VWA8: variants seen among roughly 807,000 people sequenced by gnomAD.
The protein encoded by VWA8 is von Willebrand factor A domain-containing protein 8.
VWA8 carries 221 observed loss-of-function variants against 241.5 expected under a neutral mutation model. The observed-to-expected ratio is 0.91, with a 90% CI of 0.82 to 1.02. The LOEUF (loss-of-function observed/expected upper bound fraction) is 1.02, where lower values mean the gene tolerates loss of function less well. Among genes scored for constraint, VWA8 ranks in the 50% least tolerant of loss-of-function variants. VWA8 has a pLI of 0.00. For missense variants in VWA8, 2,322 were observed against 2,328.7 expected (o/e 1.00, Z 0.06); for synonymous variants, 852 against 827.1 (o/e 1.03, Z -0.52).
At chr13:41,784,713 T>TACAC (rs1869078412) in intron 18 of VWA8, among the ~76,000 whole-genome samples, 2 of 70,702 alleles carry the variant, frequency 2.8e-5, no homozygotes, top group African/African-American at 4.3e-5. Flanking sequence ...TATATATATA[T>TACAC]ATATATATAT....
intron 35 of VWA8, among the ~76,000 whole-genome samples, chr13:41,682,174 A>G (rs1019242265): frequency 6.6e-6 from 1 of 152,236 alleles, no homozygotes; most frequent in African/African-American, 2.4e-5. Context: ...GGATAGACAC[A>G]TAGACCAATG....
intron 40 of VWA8, among the ~76,000 whole-genome samples, chr13:41,596,015 G>A (rs1409164995): frequency 3.3e-5 from 5 of 151,976 alleles, no homozygotes; most frequent in Admixed American, 3.3e-4. Context: ...AATTTTTTTA[G>A]CCATTCTTTT....
chr13:41,637,272 A>G (rs2044764652), intron 37 of VWA8, among the ~76,000 whole-genome samples: 1 of 151,576 alleles, frequency 6.6e-6, no homozygotes, highest in Admixed American at 6.6e-5. Flanking sequence ...AGGGACATGG[A>G]TGAAGCTGGA....
chr13:41,824,206 A>G (rs1871084041), intron 14 of VWA8, among the ~76,000 whole-genome samples: 1 of 152,198 alleles, frequency 6.6e-6, no homozygotes, highest in Non-Finnish European at 1.5e-5. Flanking sequence ...AAGGAATAGC[A>G]GAAGTTTGCT....
chr13:41,898,787 G>C (rs1465518546), intron 4 of VWA8, among the ~76,000 whole-genome samples: 1 of 101,120 alleles, frequency 9.9e-6, no homozygotes, highest in Non-Finnish European at 2.0e-5. Flanking sequence ...GCACTGCTGG[G>C]GGACCCAGTA....
chr13:41,646,707 A>G (rs2044834713), intron 37 of VWA8, among the ~76,000 whole-genome samples: 1 of 152,268 alleles, frequency 6.6e-6, no homozygotes. Flanking sequence ...AAAGGCAAGC[A>G]TTTTTCCTTT....
chr13:41,696,471 A>G (rs2045216413), intron 29 of VWA8, among the ~76,000 whole-genome samples: 1 of 152,192 alleles, frequency 6.6e-6, no homozygotes, highest in Non-Finnish European at 1.5e-5. Flanking sequence ...GTACTTTTTA[A>G]TTTTCAAACT....
chr13:41,731,971 A>G, intron 22 of VWA8, 109 bp downstream of exon 22: 1 of 900,068 alleles, frequency 1.1e-6, no homozygotes, highest in Non-Finnish European at 1.7e-6. Context: ...TATAAGCAGC[A>G]TGAAAACAGA....
chr13:41,681,895 G>A (rs1333996660), intron 35 of VWA8, among the ~76,000 whole-genome samples: 2 of 152,148 alleles, frequency 1.3e-5, no homozygotes, highest in Non-Finnish European at 1.5e-5. Context: ...AGAAAGTTGG[G>A]AAGAATTTTG....
chr13:41,729,779 A>T, intron 22 of VWA8, 102 bp from the exon 23 acceptor site: 2 of 974,108 alleles, frequency 2.1e-6, no homozygotes, highest in East Asian at 2.7e-5. Context: ...GCTTTATTTA[A>T]GTTACAAGTA....
At chr13:41,902,368 A>G (rs1288311676) in intron 4 of VWA8, among the ~76,000 whole-genome samples, 1 of 152,240 alleles carries the variant, frequency 6.6e-6, no homozygotes, top group Admixed American at 6.5e-5. Flanking sequence ...ACATAGAAAG[A>G]AATACAGAAA....
At chr13:41,689,597 G>A in intron 33 of VWA8, 89 bp from the exon 34 acceptor site, 10 of 1,242,000 alleles carry the variant, frequency 8.1e-6, no homozygotes, top group East Asian at 2.7e-5. Flanking sequence ...CAAGTCAAAT[G>A]GAAAAGAACA....
chr13:41,956,464 T>G (rs1878357221), intron 1 of VWA8, among the ~76,000 whole-genome samples: 1 of 152,242 alleles, frequency 6.6e-6, no homozygotes. Flanking sequence ...TGAGCCTTTC[T>G]GTTAAATTCT....
chr13:41,624,368 T>C (rs982000633), intron 37 of VWA8, among the ~76,000 whole-genome samples: 3 of 151,740 alleles, frequency 2.0e-5, no homozygotes, highest in Non-Finnish European at 2.9e-5. Context: ...AGAGACACAA[T>C]GAAAAAAGAA....
chr13:41,784,697 CATATATATATATATATATATAT>C (rs59582293), intron 18 of VWA8, among the ~76,000 whole-genome samples: 4 of 57,022 alleles, frequency 7.0e-5, no homozygotes, highest in East Asian at 1.1e-3. Flanking sequence ...TATACATATA[CATATATATATATATATATATAT>C]ATATATATAT....
rs5803097 is a variant in VWA8, at chr13:41,598,827, ATT to A, written c.4986+6339_4986+6340del. ...TTTCAACTGCTTCTCTGCTTTTAGG[ATT>A]TTTTTTTTTTTAATTTTTGAAATGT... On this transcript the variant is annotated intron_variant, in intron 40 of 44. Coordinates refer to ENST00000379310, the MANE Select transcript of VWA8 (RefSeq NM_015058.2). 3.8e-3 allele frequency among the ~76,000 whole-genome samples: 557 copies of A among 147,190 alleles called. 3 individuals carry two copies. The highest frequency in any genetic ancestry group is 0.013 in the African/African-American group (514 of 40,042).
chr13:41,700,917 C>G (rs2045245056), intron 28 of VWA8, among the ~76,000 whole-genome samples: 1 of 152,176 alleles, frequency 6.6e-6, no homozygotes, highest in Admixed American at 6.5e-5. Context: ...CCAGGGTCCA[C>G]TGCATGAATC....
chr13:41,681,060 C>T (rs982527361), intron 35 of VWA8, among the ~76,000 whole-genome samples: 1 of 152,224 alleles, frequency 6.6e-6, no homozygotes, highest in African/African-American at 2.4e-5. Flanking sequence ...TCAGTTTAAA[C>T]AGAATCCCTA....
At chr13:41,902,095 T>A (rs1001208182) in intron 4 of VWA8, among the ~76,000 whole-genome samples, 2 of 151,452 alleles carry the variant, frequency 1.3e-5, no homozygotes, top group African/African-American at 4.8e-5. Context: ...ATGATGTGGT[T>A]ATTTGTACTA....
Sources: allele counts gnomAD v4.1 joint callset (sites outside exome capture counted in the v4.1 genomes callset), GRCh38; gene constraint gnomAD v4.1.1; transcripts MANE v1.5; gene names NCBI Gene and HGNC (gene_info 2026-07-23, HGNC 2026-07-21).